Variants in SSX2IP observed in about 807,000 individuals in gnomAD.
The protein encoded by SSX2IP is SSX family member 2 interacting protein.
SSX2IP carries 55 observed loss-of-function variants against 84.9 expected under a neutral mutation model. The ratio of observed to expected loss-of-function variants is 0.65; its 90% confidence interval spans 0.52 to 0.81. The LOEUF is 0.81. SSX2IP is among the 30% of genes least tolerant of loss of function. SSX2IP has a pLI of 0.00. For synonymous variants in SSX2IP, 239 were observed against 234.7 expected, an observed-to-expected ratio of 1.02 and a Z score of -0.17; for missense variants, 664 against 705.2, an observed-to-expected ratio of 0.94 and a Z score of 0.66.
chr1:84,676,391 A>T (rs1258950044), intron 1 of SSX2IP, among the ~76,000 whole-genome samples: 1 of 152,206 alleles, frequency 6.6e-6, no homozygotes, highest in African/African-American at 2.4e-5. Context: ...TAATACTTTT[A>T]GTAAAAGCTT....
chr1:84,673,603 G>A (rs749629601), intron 1 of SSX2IP, among the ~76,000 whole-genome samples: 1 of 152,138 alleles, frequency 6.6e-6, no homozygotes, highest in Non-Finnish European at 1.5e-5. Flanking sequence ...TGTAGAAGCT[G>A]GAAGAAATCA....
At chr1:84,667,899 T>C (rs1652985671) in intron 4 of SSX2IP, among the ~76,000 whole-genome samples, 1 of 152,150 alleles carries the variant, frequency 6.6e-6, no homozygotes, top group South Asian at 2.1e-4. Context: ...TGTTTCAATA[T>C]GTCTCCCTTC....
At position 84,668,551 on chromosome 1, in the gene SSX2IP, T is replaced by C. The variant is rs146760564; in HGVS notation, c.426+1130A>G. 1.8e-3 allele frequency among the ~76,000 whole-genome samples: 280 copies of C among 152,266 alleles called. 2 individuals carry two copies. Among genetic ancestry groups the C allele is most frequent in the African/African-American group, 6.4e-3 (266 of 41,572 alleles). Reference sequence around the variant, plus strand: ...AAGAAGACAACATAAGACAGCATTATCAATGACAGGATGGTAGGCACAGGT... The same window carrying C: ...AAGAAGACAACATAAGACAGCATTACCAATGACAGGATGGTAGGCACAGGT... On this transcript the variant is annotated intron_variant, in intron 4 of 13. Coordinates refer to ENST00000342203, the MANE Select transcript of SSX2IP (RefSeq NM_001166293.2).
At chr1:84,688,545 C>CT (rs1340421232) in intron 1 of SSX2IP, among the ~76,000 whole-genome samples, 2 of 152,312 alleles carry the variant, frequency 1.3e-5, no homozygotes, top group South Asian at 2.1e-4. Context: ...CAAACGCCTA[C>CT]TTTATAAAAC....
intron 1 of SSX2IP, among the ~76,000 whole-genome samples, chr1:84,684,699 G>T (rs970775425): frequency 2.6e-5 from 4 of 152,050 alleles, no homozygotes; most frequent in African/African-American, 9.7e-5. Flanking sequence ...TAGCACAAGA[G>T]TATCACCCTG....
chr1:84,650,163 T>C (rs1650013495), intron 13 of SSX2IP, 199 bp downstream of exon 13: 2 of 626,146 alleles, frequency 3.2e-6, no homozygotes, highest in Admixed American at 5.3e-5. Context: ...ATCTACCTGT[T>C]CACTAGTGTA....
Position 84,645,691 on chromosome 1 carries a change from A to T in SSX2IP, c.*1742T>A, listed in dbSNP as rs1175379012. On this transcript the variant is annotated 3_prime_UTR_variant, in exon 14 of 14. Coordinates refer to ENST00000342203, the MANE Select transcript of SSX2IP (RefSeq NM_001166293.2). ...AAAATTTCTGATTGCCTTTTTGACC[A>T]TGTTATTGCTAAATAGCAAAACAAA... 4 of 152,214 alleles carry T rather than the reference A, an allele frequency of 2.6e-5. No individual in the cohort carries two copies. Among genetic ancestry groups the T allele is most frequent in the Non-Finnish European group, 5.9e-5 (4 of 68,028 alleles). The allele number at this position is 152,214 out of a possible 1,614,324, so 9.4% of individuals were successfully genotyped here.
rs552990903 is a variant in SSX2IP, at chr1:84,652,888, C to T, written c.1390-891G>A. Among the ~76,000 whole-genome samples, 29 of 151,604 alleles carry T rather than the reference C, an allele frequency of 1.9e-4. No homozygotes were observed. The South Asian group carries it at 6.0e-3, about 32-fold the overall frequency. On this transcript the variant is annotated intron_variant, in intron 11 of 13. Transcript: ENST00000342203. The stretch of plus-strand genomic sequence containing the variant: ...AAAATACAAAACAAAAAAAATTAGC[C>T]GGGTGTGGTGGCGGGTGCCTGTAGT...
chr1:84,645,426 T>A lies in SSX2IP; in HGVS notation c.*2007A>T, dbSNP rs1649349186. ...TTACTCTGCTGTTTCTTTCACACTT[T>A]AGATTTTAAAAGTACGTCTCAAGGA... On this transcript the variant is annotated 3_prime_UTR_variant, in exon 14 of 14. Transcript: ENST00000342203. The A allele has an allele frequency of 6.6e-6, 1 of 152,182 alleles. No homozygotes were observed. Among genetic ancestry groups the A allele is most frequent in the Non-Finnish European group, 1.5e-5 (1 of 68,012 alleles). The allele number at this position is 152,182 out of a possible 1,614,324, so 9.4% of individuals were successfully genotyped here.
At chr1:84,667,552 C>T (rs540287105) in intron 4 of SSX2IP, among the ~76,000 whole-genome samples, 15 of 152,206 alleles carry the variant, frequency 9.9e-5, no homozygotes, top group African/African-American at 3.6e-4. Flanking sequence ...AATATTTACA[C>T]ATTGTCTTCC....
chr1:84,654,622 A>C (rs1415050098), intron 11 of SSX2IP, among the ~76,000 whole-genome samples: 1 of 152,200 alleles, frequency 6.6e-6, no homozygotes, highest in Non-Finnish European at 1.5e-5. Flanking sequence ...GAAATCACAA[A>C]GGAAGCTACA....
At chr1:84,674,539 T>C (rs1570689441) in intron 1 of SSX2IP, among the ~76,000 whole-genome samples, 1 of 152,170 alleles carries the variant, frequency 6.6e-6, no homozygotes, top group Non-Finnish European at 1.5e-5. Flanking sequence ...GTTAAGGTAT[T>C]TGTAAGTAAG....
chr1:84,681,393 C>T (rs1443252541), intron 1 of SSX2IP, among the ~76,000 whole-genome samples: 5 of 152,092 alleles, frequency 3.3e-5, no homozygotes, highest in Non-Finnish European at 7.4e-5. Context: ...GCATGTATAG[C>T]ACAAAAAAAG....
At chr1:84,659,911 C>T (rs2102298497) in intron 8 of SSX2IP, among the ~76,000 whole-genome samples, 1 of 152,124 alleles carries the variant, frequency 6.6e-6, no homozygotes, top group South Asian at 2.1e-4. Flanking sequence ...TGGCTCATGT[C>T]TGTAATCCCA....
At chr1:84,649,661 T>C in intron 13 of SSX2IP, 1 of 237,426 alleles carries the variant, frequency 4.2e-6, no homozygotes. Context: ...CACCATACTT[T>C]CCAACTTACC....
At chr1:84,651,243 A>C (rs1170056021) in intron 12 of SSX2IP, among the ~76,000 whole-genome samples, 1 of 151,922 alleles carries the variant, frequency 6.6e-6, no homozygotes, top group Non-Finnish European at 1.5e-5. Flanking sequence ...GCCTGAGCCC[A>C]GGACGCTGAG....
intron 11 of SSX2IP, among the ~76,000 whole-genome samples, chr1:84,654,541 G>T (rs928835639): frequency 6.6e-5 from 10 of 151,788 alleles, no homozygotes; most frequent in African/African-American, 2.4e-4. Context: ...CTAATATAGC[G>T]AATTGAACAG....
chr1:84,650,348 C>G lies in SSX2IP; in HGVS notation c.1670+14G>C. On this transcript the variant is annotated intron_variant, in intron 13 of 13. Coordinates refer to ENST00000342203, the MANE Select transcript of SSX2IP (RefSeq NM_001166293.2). ...TTTTAGAAACACGTGAAAAGATCAC[C>G]TATAGACAAATACCTATGTTCAGAT... The G allele has an allele frequency of 1.2e-6, 2 of 1,614,064 alleles. No individual in the cohort carries two copies. Among genetic ancestry groups the G allele is most frequent in the Non-Finnish European group, 1.7e-6 (2 of 1,179,942 alleles).
chr1:84,688,329 G>GT (rs1208695543), intron 1 of SSX2IP, among the ~76,000 whole-genome samples: 1 of 152,086 alleles, frequency 6.6e-6, no homozygotes, highest in Non-Finnish European at 1.5e-5. Flanking sequence ...AACCCACATC[G>GT]TATCAAAACC....
Sources: gnomAD v4.1 joint callset for allele counts (sites outside exome capture counted in the v4.1 genomes callset) on GRCh38, gnomAD v4.1.1 for gene constraint, MANE v1.5 for transcripts, NCBI Gene and HGNC (gene_info 2026-07-23, HGNC 2026-07-21) for gene names.